GRM8: variants seen among roughly 807,000 people sequenced by gnomAD.
GRM8 encodes the protein glutamate metabotropic receptor 8.
Under a neutral mutation model 87.2 loss-of-function variants are expected in GRM8, and 47 were observed. The observed-to-expected ratio is 0.54, with a 90% CI of 0.43 to 0.69. The LOEUF is 0.69. Among genes scored for constraint, GRM8 ranks in the 30% least tolerant of loss-of-function variants. GRM8 has a pLI of 0.00. For missense variants in GRM8, 1,019 were observed against 1,139.2 expected, an observed-to-expected ratio of 0.89 and a Z score of 1.52; for synonymous variants, 396 against 404.5, an observed-to-expected ratio of 0.98 and a Z score of 0.25.
intron 3 of GRM8, among the ~76,000 whole-genome samples, chr7:127,030,813 C>T (rs897483703): frequency 2.6e-5 from 4 of 152,088 alleles, no homozygotes; most frequent in Non-Finnish European, 5.9e-5. Flanking sequence ...TTTTTTCCTA[C>T]ATGACATCCC....
At chr7:127,118,638 T>C (rs1826845124) in intron 2 of GRM8, among the ~76,000 whole-genome samples, 1 of 152,200 alleles carries the variant, frequency 6.6e-6, no homozygotes, top group South Asian at 2.1e-4. Flanking sequence ...GACTAAACCA[T>C]AATCTGGAGA....
rs180921190 is a variant in GRM8, at chr7:126,793,890, T to C, written c.1157-23825A>G. 6.6e-5 allele frequency among the ~76,000 whole-genome samples: 10 copies of C among 152,324 alleles called. No individual in the cohort carries two copies. The East Asian group carries it at 1.9e-3, about 29-fold the overall frequency. On this transcript the variant is annotated intron_variant, in intron 6 of 10. Coordinates refer to ENST00000339582, the MANE Select transcript of GRM8 (RefSeq NM_000845.3). ...ACCATGTGAGGTCAATGATGGCATATGGAAATGTCTACTAATATAAAATGG... is the reference window on the plus strand; with the variant it reads ...ACCATGTGAGGTCAATGATGGCATACGGAAATGTCTACTAATATAAAATGG...
chr7:126,974,543 A>G (rs759855657), intron 3 of GRM8, among the ~76,000 whole-genome samples: 1 of 152,206 alleles, frequency 6.6e-6, no homozygotes, highest in Non-Finnish European at 1.5e-5. Context: ...AATATGGGGA[A>G]AAAAGTACAT....
intron 3 of GRM8, among the ~76,000 whole-genome samples, chr7:126,939,035 T>A (rs189700655): frequency 3.9e-5 from 6 of 152,242 alleles, no homozygotes; most frequent in Admixed American, 3.9e-4. Flanking sequence ...CATAGTATGA[T>A]TTCAATTAAT....
chr7:126,929,375 C>A (rs1233894408), intron 3 of GRM8, among the ~76,000 whole-genome samples: 1 of 152,204 alleles, frequency 6.6e-6, no homozygotes, highest in Non-Finnish European at 1.5e-5. Context: ...GACAATTGAG[C>A]ATATGAAATG....
At chr7:126,857,233 G>A (rs1295089400) in intron 6 of GRM8, among the ~76,000 whole-genome samples, 1 of 152,144 alleles carries the variant, frequency 6.6e-6, no homozygotes, top group Non-Finnish European at 1.5e-5. Context: ...AATGCCTAGA[G>A]GAGTCTGTCT....
At chr7:127,071,094 A>G (rs1463743447) in intron 3 of GRM8, among the ~76,000 whole-genome samples, 1 of 152,082 alleles carries the variant, frequency 6.6e-6, no homozygotes, top group Non-Finnish European at 1.5e-5. Flanking sequence ...CATCCTTACT[A>G]TTTCACAGAA....
chr7:126,785,701 C>A (rs948621641), intron 6 of GRM8, among the ~76,000 whole-genome samples: 2 of 152,022 alleles, frequency 1.3e-5, no homozygotes, highest in African/African-American at 4.8e-5. Flanking sequence ...CTCTACCTGT[C>A]ACCTGGAACC....
chr7:126,471,817 C>T (rs55772417), intron 9 of GRM8, among the ~76,000 whole-genome samples: 6,748 of 152,024 alleles, frequency 0.044, 189 homozygotes, highest in Middle Eastern at 0.075. Flanking sequence ...TTCTTCCTAC[C>T]CATGAGCATG....
intron 8 of GRM8, among the ~76,000 whole-genome samples, chr7:126,575,106 C>T (rs374700652): frequency 6.2e-4 from 94 of 152,234 alleles, no homozygotes; most frequent in African/African-American, 2.0e-3. Context: ...AGACTGGTAC[C>T]GGTTTGTGGC....
chr7:127,072,705 GGAATGAGT>G (rs997397609), intron 3 of GRM8, among the ~76,000 whole-genome samples: 27 of 151,678 alleles, frequency 1.8e-4, no homozygotes, highest in African/African-American at 6.0e-4. Context: ...TCAGTAAGAT[GGAATGAGT>G]GAATGAGTGA....
intron 6 of GRM8, chr7:126,870,629 T>C (rs1799010827): frequency 6.6e-6 from 1 of 152,208 alleles, no homozygotes; most frequent in African/African-American, 2.4e-5. Flanking sequence ...AGCAGGTTGC[T>C]GAAGCAGTCA....
At chr7:126,725,337 G>T (rs1301204217) in intron 7 of GRM8, among the ~76,000 whole-genome samples, 1 of 152,182 alleles carries the variant, frequency 6.6e-6, no homozygotes, top group Non-Finnish European at 1.5e-5. Context: ...CCCAGATTGT[G>T]ATGCTCAAGA....
At chr7:126,810,429 C>T (rs1006251685) in intron 6 of GRM8, among the ~76,000 whole-genome samples, 4 of 152,128 alleles carry the variant, frequency 2.6e-5, no homozygotes, top group Admixed American at 6.5e-5. Flanking sequence ...TATAACTGCA[C>T]CCATGACCCG....
At chr7:126,801,730 G>A (rs1822723170) in intron 6 of GRM8, among the ~76,000 whole-genome samples, 1 of 151,976 alleles carries the variant, frequency 6.6e-6, no homozygotes, top group Non-Finnish European at 1.5e-5. Flanking sequence ...ATTCGGAAGG[G>A]GTCCCCTCTC....
chr7:126,840,561 T>A (rs1414281274), intron 6 of GRM8, among the ~76,000 whole-genome samples: 2 of 152,214 alleles, frequency 1.3e-5, no homozygotes, highest in Non-Finnish European at 2.9e-5. Context: ...CAGACACTAA[T>A]GTTATATCAA....
At chr7:127,075,779 C>T (rs960102464) in intron 3 of GRM8, among the ~76,000 whole-genome samples, 3 of 152,116 alleles carry the variant, frequency 2.0e-5, no homozygotes, top group East Asian at 3.9e-4. Flanking sequence ...GCACTAACCA[C>T]CTGGTTGGGC....
rs1277873988 is a variant in GRM8, at chr7:127,037,170, T to A, written c.727+69326A>T. ...TTTTAACCAATGTTTGAATCATAGA[T>A]CCCTTTGCTAAGGGTATAGATCTTC... On this transcript the variant is annotated intron_variant, in intron 3 of 10. Coordinates refer to ENST00000339582, the MANE Select transcript of GRM8 (RefSeq NM_000845.3). Among the ~76,000 whole-genome samples, 6 of 152,214 alleles carry A rather than the reference T, an allele frequency of 3.9e-5. No homozygotes were observed. In the East Asian group the frequency reaches 9.7e-4, roughly 24 times the overall value.
chr7:127,197,424 C>G (rs966392648), intron 2 of GRM8, among the ~76,000 whole-genome samples: 1 of 152,172 alleles, frequency 6.6e-6, no homozygotes, highest in Non-Finnish European at 1.5e-5. Context: ...GTTACTATCT[C>G]TATGCACATC....
Sources: allele counts gnomAD v4.1 joint callset (sites outside exome capture counted in the v4.1 genomes callset), GRCh38; gene constraint gnomAD v4.1.1; transcripts MANE v1.5; gene names NCBI Gene and HGNC (gene_info 2026-07-23, HGNC 2026-07-21).